Variants in POM121C observed in about 807,000 individuals in gnomAD.
POM121C encodes nuclear envelope pore membrane protein POM 121C.
In POM121C, 20 loss-of-function variants were observed where a neutral mutation model predicts 66.4. The ratio of observed to expected loss-of-function variants is 0.30; its 90% CI spans 0.21 to 0.44. POM121C has a LOEUF of 0.44. Ranked by LOEUF, POM121C falls within the 20% of genes least tolerant of loss-of-function variation. The probability of loss-of-function intolerance (pLI) is 1.00; values close to 1 mark genes in which losing one functional copy is unlikely to be tolerated. For synonymous variants in POM121C, 286 were observed against 528.0 expected, an observed-to-expected ratio of 0.54 and a Z score of 6.28; for missense variants, 580 against 1,225.7, an observed-to-expected ratio of 0.47 and a Z score of 7.87.
intron 5 of POM121C, 111 bp downstream of exon 5, chr7:75,440,843 A>G (rs1790615271): frequency 1.9e-6 from 3 of 1,576,992 alleles, no homozygotes; most frequent in African/African-American, 1.4e-5. Flanking sequence ...AAGGAGGCCT[A>G]TGAAGGCTCA....
intron 11 of POM121C, 27 bp from the exon 12 acceptor site, chr7:75,424,252 T>C (rs1410258970): frequency 6.2e-7 from 1 of 1,607,774 alleles, no homozygotes; most frequent in Non-Finnish European, 8.5e-7. Context: ...GGTGAAGCAG[T>C]CCTGGCTTGT....
In POM121C at chr7:75,424,512, T is replaced by C; in HGVS notation, c.871+14A>G. ...CTGAAACCTCTCGAGAGTGCAACGA[T>C]CTGTGCTCCTTACCACTCTTGTCCT... On this transcript the variant is annotated intron_variant, in intron 11 of 14. Transcript: ENST00000615331. The C allele has an allele frequency of 6.2e-7, 1 of 1,612,408 alleles. No individual in the cohort carries two copies. The highest frequency in any genetic ancestry group is 8.5e-7 in the Non-Finnish European group (1 of 1,178,436).
At position 75,451,196 on chromosome 7, in the gene POM121C, A is replaced by C. The variant is rs587658051; in HGVS notation, c.-151-9549T>G. On this transcript the variant is annotated intron_variant, in intron 3 of 14. Coordinates refer to ENST00000615331, the MANE Select transcript of POM121C (RefSeq NM_001099415.3). ...ACTACCTTAAATTTCATATGAAACC[A>C]AAAACGAGCCCATATAGCCAAGACG... 6.6e-5 allele frequency among the ~76,000 whole-genome samples: 10 copies of C among 152,344 alleles called. No individual in the cohort carries two copies. In the South Asian group the frequency reaches 2.1e-3, roughly 32 times the overall value.
intron 3 of POM121C, among the ~76,000 whole-genome samples, chr7:75,469,844 C>CT (rs1791802699): frequency 6.6e-6 from 1 of 152,204 alleles, no homozygotes; most frequent in African/African-American, 2.4e-5. Flanking sequence ...CTTCAGCTCT[C>CT]TAAGTATCTT....
rs587682946 is a variant in POM121C, at chr7:75,474,898, G to A, written c.-330-16C>T. On this transcript the variant is annotated splice_polypyrimidine_tract_variant and intron_variant, in intron 2 of 14. Transcript: ENST00000615331. ...ACCTCATAAGCTGCATAACAGAAAT[G>A]CTCCATTTTTTACCTTATCAAAGTT... 1.0e-5 allele frequency: 11 copies of A among 1,064,340 alleles called. No individual in the cohort carries two copies. In the South Asian group the frequency reaches 1.4e-4, roughly 14 times the overall value. The allele number at this position is 1,064,340 out of a possible 1,614,324, so 65.9% of individuals were successfully genotyped here. A position where few individuals can be genotyped will look rare whatever the true frequency, so the allele number is the denominator to read the frequency against.
At chr7:75,437,785 G>A in intron 6 of POM121C, 99 bp from the exon 7 acceptor site, 1 of 1,437,252 alleles carries the variant, frequency 7.0e-7, no homozygotes, top group Non-Finnish European at 9.2e-7. Flanking sequence ...ATGAAGGGAA[G>A]AGAATAATGC....
At chr7:75,476,051 G>A (rs1428450286) in intron 1 of POM121C, among the ~76,000 whole-genome samples, 1 of 152,156 alleles carries the variant, frequency 6.6e-6, no homozygotes, top group East Asian at 1.9e-4. Flanking sequence ...AGGACGAGAT[G>A]GGAAGATCGT....
chr7:75,433,721 A>G (rs1459782483), intron 7 of POM121C, among the ~76,000 whole-genome samples: 9 of 152,194 alleles, frequency 5.9e-5, no homozygotes, highest in African/African-American at 9.7e-5. Flanking sequence ...TGTTTTTTAT[A>G]TAATTCCTTT....
intron 3 of POM121C, among the ~76,000 whole-genome samples, chr7:75,454,383 A>G (rs1366215846): frequency 6.6e-6 from 1 of 152,250 alleles, no homozygotes; most frequent in Admixed American, 6.5e-5. Context: ...TGGATTCCAG[A>G]GAGAGGCTGG....
At chr7:75,448,473 C>T (rs2116439193) in intron 3 of POM121C, among the ~76,000 whole-genome samples, 1 of 121,888 alleles carries the variant, frequency 8.2e-6, no homozygotes, top group South Asian at 2.8e-4. Flanking sequence ...GAGTAGACAG[C>T]TCCAAGCTCC....
chr7:75,441,388 G>A (rs376674749), intron 4 of POM121C, 44 bp downstream of exon 4: 7 of 1,588,350 alleles, frequency 4.4e-6, no homozygotes, highest in Non-Finnish European at 4.3e-6. Context: ...GAAGAATAAA[G>A]TGGACACGAA....
At chr7:75,469,161 G>A (rs1554478285) in intron 3 of POM121C, among the ~76,000 whole-genome samples, 1 of 150,658 alleles carries the variant, frequency 6.6e-6, no homozygotes, top group Non-Finnish European at 1.5e-5. Context: ...GTGCAGTGGC[G>A]TGATCACAGC....
chr7:75,477,605 C>T (rs1342572618), intron 1 of POM121C, among the ~76,000 whole-genome samples: 1 of 151,950 alleles, frequency 6.6e-6, no homozygotes, highest in Non-Finnish European at 1.5e-5. Flanking sequence ...TCAAAAATAG[C>T]TCAGGGAAAA....
intron 3 of POM121C, among the ~76,000 whole-genome samples, chr7:75,458,044 G>C (rs1791304213): frequency 6.6e-6 from 1 of 152,260 alleles, no homozygotes; most frequent in South Asian, 2.1e-4. Flanking sequence ...AGCCTCAAAA[G>C]TGTGTTTATG....
Position 75,448,902 on chromosome 7 carries a change from AG to A in POM121C, c.-151-7256del, listed in dbSNP as rs1790927446. ...GAATCAAGAAAAAGGCAACTTAAAA[AG>A]GAAAGGTAGAAAACCTTTGTGGCAA... On this transcript the variant is annotated intron_variant, in intron 3 of 14. Coordinates refer to ENST00000615331, the MANE Select transcript of POM121C (RefSeq NM_001099415.3). 4.6e-5 allele frequency among the ~76,000 whole-genome samples: 7 copies of A among 151,110 alleles called. No homozygotes were observed. In the South Asian group the frequency reaches 1.3e-3, roughly 27 times the overall value.
rs1554476423 is a variant in POM121C at position 75,457,193 on chromosome 7, A to G, written c.-151-15546T>C. On this transcript the variant is annotated intron_variant, in intron 3 of 14. Coordinates refer to ENST00000615331, the MANE Select transcript of POM121C (RefSeq NM_001099415.3). Reference sequence around the variant, plus strand: ...AATAAATAAATAAATAAATAAATAAATAAATAAATAAATACATGAAGCAAC... The same window carrying G: ...AATAAATAAATAAATAAATAAATAAGTAAATAAATAAATACATGAAGCAAC... 7.9e-3 allele frequency among the ~76,000 whole-genome samples: 1,166 copies of G among 147,224 alleles called. 38 individuals are homozygous for G. The highest frequency in any genetic ancestry group is 0.028 in the African/African-American group (1,085 of 38,966).
chr7:75,482,506 G>A (rs1248137133), intron 1 of POM121C, among the ~76,000 whole-genome samples: 4 of 152,252 alleles, frequency 2.6e-5, no homozygotes, highest in Non-Finnish European at 4.4e-5. Flanking sequence ...TGCATGACAC[G>A]GTGAAAGCCA....
intron 1 of POM121C, among the ~76,000 whole-genome samples, chr7:75,479,253 T>C (rs1366939004): frequency 6.6e-6 from 1 of 152,122 alleles, no homozygotes; most frequent in Non-Finnish European, 1.5e-5. Context: ...AAAATTTAGA[T>C]TTACACAAAG....
chr7:75,448,110 T>G (rs1423541744), intron 3 of POM121C, among the ~76,000 whole-genome samples: 7 of 151,600 alleles, frequency 4.6e-5, no homozygotes, highest in South Asian at 2.1e-4. Flanking sequence ...TCTCAGTTAC[T>G]TGGGAGGCTG....
Sources: allele counts gnomAD v4.1 joint callset (sites outside exome capture counted in the v4.1 genomes callset), GRCh38; gene constraint gnomAD v4.1.1; transcripts MANE v1.5; gene names NCBI Gene and HGNC (gene_info 2026-07-23, HGNC 2026-07-21).